Variants in RIMBP2 observed in about 807,000 individuals in gnomAD.
RIMBP2 encodes the protein RIMS binding protein 2, also known as RIMS-binding protein 2.
In RIMBP2, 48 loss-of-function variants were observed where a neutral mutation model predicts 118.6. The observed-to-expected ratio is 0.40, with a 90% confidence interval of 0.32 to 0.51. The LOEUF (loss-of-function observed/expected upper bound fraction) is 0.51, where lower values mean the gene tolerates loss of function less well. RIMBP2 is among the 20% of genes least tolerant of loss of function. RIMBP2 has a pLI of 0.41. For missense variants in RIMBP2, 1,551 were observed against 1,768.3 expected (o/e 0.88, Z 2.20); for synonymous variants, 762 against 742.9 (o/e 1.03, Z -0.42).
chr12:130,585,323 G>A (rs113069121), intron 2 of RIMBP2, among the ~76,000 whole-genome samples: 1 of 152,274 alleles, frequency 6.6e-6, no homozygotes, highest in African/African-American at 2.4e-5. Context: ...ATGCCTTTTG[G>A]ACGTTTGGGG....
chr12:130,550,638 GTTAAAAA>G (rs917638255), intron 2 of RIMBP2, among the ~76,000 whole-genome samples: 3 of 152,194 alleles, frequency 2.0e-5, no homozygotes, highest in African/African-American at 4.8e-5. Flanking sequence ...ATGAAAAAAG[GTTAAAAA>G]TTAAACTATA....
At chr12:130,671,121 A>T (rs192919644) in intron 1 of RIMBP2, among the ~76,000 whole-genome samples, 3 of 152,298 alleles carry the variant, frequency 2.0e-5, no homozygotes, top group African/African-American at 7.2e-5. Flanking sequence ...GGCTGGTGCC[A>T]CGTTTCCTAC....
At position 130,644,356 on chromosome 12, in the gene RIMBP2, C is replaced by A. The variant is rs953708449; in HGVS notation, c.-351-15900G>T. Among the ~76,000 whole-genome samples the A allele has an allele frequency of 2.0e-5, 3 of 152,196 alleles. No homozygotes were observed. In the South Asian group the frequency reaches 6.2e-4, roughly 32 times the overall value. Reference sequence around the variant, plus strand: ...AGCTCTTAATCCATTAGGGCAGACACGTGTCACCTTGGTTAAGAGCACCGT... The same window carrying A: ...AGCTCTTAATCCATTAGGGCAGACAAGTGTCACCTTGGTTAAGAGCACCGT... On this transcript the variant is annotated intron_variant, in intron 1 of 22. Transcript: ENST00000690449.
chr12:130,401,938 G>A (rs769165765), intron 21 of RIMBP2, among the ~76,000 whole-genome samples: 19 of 152,142 alleles, frequency 1.2e-4, no homozygotes, highest in Non-Finnish European at 2.5e-4. Flanking sequence ...CACAAGAGGC[G>A]TGTGTACCCC....
chr12:130,676,540 T>TGAGGCAGG (rs2064485765), intron 1 of RIMBP2, among the ~76,000 whole-genome samples: 1 of 151,684 alleles, frequency 6.6e-6, no homozygotes, highest in Non-Finnish European at 1.5e-5. Context: ...GGAGAATCGC[T>TGAGGCAGG]TGAACCCGGG....
intron 19 of RIMBP2, among the ~76,000 whole-genome samples, chr12:130,408,087 T>C (rs1340697111): frequency 2.0e-5 from 3 of 152,162 alleles, no homozygotes; most frequent in Non-Finnish European, 4.4e-5. Context: ...CTCCAGTCTG[T>C]CCATTAAACC....
intron 19 of RIMBP2, among the ~76,000 whole-genome samples, chr12:130,411,024 A>C (rs2075668760): frequency 6.6e-6 from 1 of 152,190 alleles, no homozygotes; most frequent in Non-Finnish European, 1.5e-5. Context: ...TTCTTTCCTC[A>C]GTGTTTTCTG....
chr12:130,709,694 G>A (rs992485114), intron 1 of RIMBP2, among the ~76,000 whole-genome samples: 5 of 152,058 alleles, frequency 3.3e-5, no homozygotes, highest in Admixed American at 1.3e-4. Context: ...AAACCACGTC[G>A]GTAATAAGCA....
chr12:130,659,701 G>A (rs904664530), intron 1 of RIMBP2, among the ~76,000 whole-genome samples: 3 of 152,026 alleles, frequency 2.0e-5, no homozygotes, highest in Admixed American at 6.6e-5. Context: ...GGCCGGGCAC[G>A]GTGGCTCATG....
intron 5 of RIMBP2, among the ~76,000 whole-genome samples, chr12:130,473,623 C>G (rs942052177): frequency 4.6e-5 from 7 of 152,184 alleles, no homozygotes; most frequent in Non-Finnish European, 7.3e-5. Context: ...GAAACGTTAG[C>G]TCTGCAGAAA....
chr12:130,568,185 T>C (rs567998533), intron 2 of RIMBP2, among the ~76,000 whole-genome samples: 1 of 152,286 alleles, frequency 6.6e-6, no homozygotes, highest in African/African-American at 2.4e-5. Context: ...AGGCAGGGTT[T>C]CTCATAACTT....
rs2079453246 is a variant in RIMBP2, at chr12:130,456,505, G to A, written c.349C>T (p.Leu117Phe). The change falls in exon 7 of 23, where the codon CTC (leucine) becomes TTC (phenylalanine). Residue 117 changes from leucine to phenylalanine, a missense_variant. Leu to Phe is a conservative substitution (Grantham distance 22). Transcript: ENST00000690449. The stretch of plus-strand genomic sequence containing the variant: ...AGGTCCAGGCGCTTACCTTTGCCGA[G>A]GGAGGTGGCTAGGCCATTCATGAAC... ...PQFMNGLATS[L>F]GKGQESAIGG... The A allele has an allele frequency of 1.9e-6, 3 of 1,587,880 alleles. No individual in the cohort carries two copies. Among genetic ancestry groups the A allele is most frequent in the Middle Eastern group, 3.4e-4 (2 of 5,818 alleles).
intron 1 of RIMBP2, chr12:130,658,633 C>T (rs1355667174): frequency 4.6e-5 from 7 of 152,206 alleles, no homozygotes; most frequent in South Asian, 2.1e-4. Context: ...TAGGCAAGCG[C>T]GGTAGCTGCA....
intron 1 of RIMBP2, among the ~76,000 whole-genome samples, chr12:130,671,933 A>G (rs147749462): frequency 6.6e-6 from 1 of 152,356 alleles, no homozygotes; most frequent in East Asian, 1.9e-4. Context: ...CACTTAGAAG[A>G]AAATTATTTA....
chr12:130,407,756 G>T lies in RIMBP2; in HGVS notation c.3663C>A (p.Pro1221=), dbSNP rs1221473753. 8.7e-6 allele frequency: 14 copies of T among 1,614,034 alleles called. No individual in the cohort carries two copies. Among genetic ancestry groups the T allele is most frequent in the Non-Finnish European group, 1.1e-5 (13 of 1,179,994 alleles). ...RRMVALYDYD[P]RESSPNVDVE... ...CATCGACGTTGGGCGAGCTTTCTCTGGGGTCGTAGTCATACAGGGCCACCA... is the reference window on the plus strand; with the variant it reads ...CATCGACGTTGGGCGAGCTTTCTCTTGGGTCGTAGTCATACAGGGCCACCA... Residue 1221 remains proline, a synonymous_variant, in exon 20 of 23, where the codon CCC becomes CCA. Transcript: ENST00000690449.
intron 13 of RIMBP2, among the ~76,000 whole-genome samples, chr12:130,435,098 T>G (rs1189736197): frequency 6.6e-6 from 1 of 151,218 alleles, no homozygotes; most frequent in Admixed American, 6.6e-5. Flanking sequence ...CAGGCTGGAG[T>G]GCAGTGGCAT....
intron 3 of RIMBP2, among the ~76,000 whole-genome samples, chr12:130,508,945 AG>A (rs2050627059): frequency 6.6e-6 from 1 of 152,026 alleles, no homozygotes; most frequent in Non-Finnish European, 1.5e-5. Context: ...GTGTCCTGAG[AG>A]GCTCATCCTC....
At chr12:130,503,413 AC>A (rs2049998787) in intron 4 of RIMBP2, among the ~76,000 whole-genome samples, 2 of 89,254 alleles carry the variant, frequency 2.2e-5, no homozygotes, top group South Asian at 5.2e-4. Context: ...AAAACAAAAA[AC>A]AAAAAAAACA....
chr12:130,431,252 C>T lies in RIMBP2; in HGVS notation c.2254-2915G>A, dbSNP rs920399265. Among the ~76,000 whole-genome samples the T allele has an allele frequency of 6.6e-6, 1 of 152,108 alleles. No individual in the cohort carries two copies. Among genetic ancestry groups the T allele is most frequent in the African/African-American group, 2.4e-5 (1 of 41,418 alleles). On this transcript the variant is annotated intron_variant, in intron 14 of 22. Coordinates refer to ENST00000690449, the MANE Select transcript of RIMBP2 (RefSeq NM_001393629.1). The surrounding 1 kb of genome is among the most constrained non-coding windows in gnomAD (Gnocchi z 4.0). The stretch of plus-strand genomic sequence containing the variant: ...GTAGTCAACTAAAAGTGGAGGCTTC[C>T]ACCCACTAGAACATCGGTGTCTTGG...
Sources: allele counts gnomAD v4.1 joint callset (sites outside exome capture counted in the v4.1 genomes callset), GRCh38; gene constraint gnomAD v4.1.1; non-coding constraint Gnocchi (gnomAD v3.1); transcripts MANE v1.5; gene names NCBI Gene and HGNC (gene_info 2026-07-23, HGNC 2026-07-21).